NAALADL2: variants seen among roughly 807,000 people sequenced by gnomAD.
NAALADL2 encodes inactive N-acetylated-alpha-linked acidic dipeptidase-like protein 2.
A neutral mutation model predicts 87.2 loss-of-function variants in NAALADL2; 76 were observed. The observed-to-expected ratio is 0.87, with a 90% CI of 0.72 to 1.05. The LOEUF (loss-of-function observed/expected upper bound fraction) is 1.05, where lower values mean the gene tolerates loss of function less well. NAALADL2 is among the 50% of genes least tolerant of loss of function. The pLI is 0.00. For synonymous variants in NAALADL2, 354 were observed against 331.0 expected, an observed-to-expected ratio of 1.07 and a Z score of -0.75; for missense variants, 1,089 against 945.8, an observed-to-expected ratio of 1.15 and a Z score of -1.99.
chr3:175,186,344 A>G (rs1287043722), intron 2 of NAALADL2, among the ~76,000 whole-genome samples: 3 of 152,126 alleles, frequency 2.0e-5, no homozygotes, highest in African/African-American at 7.2e-5. Flanking sequence ...ACCAGTCAAG[A>G]ACTGACTGCA....
chr3:174,881,911 A>C (rs1185637805), intron 1 of NAALADL2, among the ~76,000 whole-genome samples: 1 of 152,080 alleles, frequency 6.6e-6, no homozygotes, highest in African/African-American at 2.4e-5. Flanking sequence ...GTTTTATTTC[A>C]GATGTTTCAG....
intron 13 of NAALADL2, chr3:175,767,632 A>G (rs952929849): frequency 1.3e-5 from 2 of 152,202 alleles, no homozygotes; most frequent in Non-Finnish European, 1.5e-5. Context: ...CAAGGATGAC[A>G]TGACAATTCA....
intron 1 of NAALADL2, among the ~76,000 whole-genome samples, chr3:174,495,428 A>G (rs983716871): frequency 6.6e-6 from 1 of 152,228 alleles, no homozygotes; most frequent in Non-Finnish European, 1.5e-5. Context: ...CTCTGTAAGT[A>G]ACTACATAGC....
intron 1 of NAALADL2, among the ~76,000 whole-genome samples, chr3:175,019,646 A>C (rs1751315150): frequency 6.6e-6 from 1 of 151,888 alleles, no homozygotes; most frequent in South Asian, 2.1e-4. Context: ...TTCGTTGACC[A>C]TTTTCAGCTT....
chr3:175,699,117 G>A (rs1738613883), intron 11 of NAALADL2, among the ~76,000 whole-genome samples: 1 of 151,758 alleles, frequency 6.6e-6, no homozygotes, highest in East Asian at 1.9e-4. Context: ...ATTAAAAGTA[G>A]GTTATATAAA....
At chr3:175,267,214 T>C (rs1752078272) in intron 4 of NAALADL2, among the ~76,000 whole-genome samples, 1 of 152,048 alleles carries the variant, frequency 6.6e-6, no homozygotes, top group Non-Finnish European at 1.5e-5. Context: ...AGTATTTTCC[T>C]TGTGGTTTTA....
intron 1 of NAALADL2, among the ~76,000 whole-genome samples, chr3:174,930,609 A>G (rs1404273821): frequency 9.1e-6 from 1 of 109,340 alleles, no homozygotes; most frequent in Non-Finnish European, 1.8e-5. Flanking sequence ...TTTAAATAAG[A>G]TGAACTTTTT....
At chr3:174,834,874 G>T (rs1723151350) in intron 3 of NAALADL2, among the ~76,000 whole-genome samples, 1 of 151,654 alleles carries the variant, frequency 6.6e-6, no homozygotes, top group African/African-American at 2.4e-5. Context: ...TTGACCTTTA[G>T]ATTTCATTTA....
chr3:175,571,210 A>C (rs1718033987), intron 9 of NAALADL2, among the ~76,000 whole-genome samples: 2 of 152,168 alleles, frequency 1.3e-5, no homozygotes, highest in African/African-American at 4.8e-5. Flanking sequence ...TGTACTTGCA[A>C]AGAGCATACA....
rs199940336 is a variant in NAALADL2 at position 174,859,460 on chromosome 3, A to G, written c.43+10A>G. ...AACACGTCTTTGCAAGGTAAGTACCAACAGCCTATGAACTTTTCACTTTTC... is the reference window on the plus strand; with the variant it reads ...AACACGTCTTTGCAAGGTAAGTACCGACAGCCTATGAACTTTTCACTTTTC... On this transcript the variant is annotated intron_variant, in intron 1 of 13. Transcript: ENST00000454872. 263 of 1,606,290 alleles carry G rather than the reference A, an allele frequency of 1.6e-4. No homozygotes were observed. The East Asian group carries it at 4.2e-3, about 26-fold the overall frequency.
chr3:175,498,488 A>T (rs796795695), intron 9 of NAALADL2, among the ~76,000 whole-genome samples: 57 of 152,168 alleles, frequency 3.7e-4, no homozygotes, highest in African/African-American at 1.3e-3. Flanking sequence ...GACCTAGGTT[A>T]CCACTCTACT....
At chr3:175,375,623 C>G (rs1012501777) in intron 5 of NAALADL2, among the ~76,000 whole-genome samples, 6 of 152,080 alleles carry the variant, frequency 3.9e-5, no homozygotes, top group African/African-American at 1.2e-4. Flanking sequence ...TACAGTCACT[C>G]TAGCCTTTTC....
At chr3:174,850,509 G>T (rs1452236554) in intron 3 of NAALADL2, among the ~76,000 whole-genome samples, 1 of 152,096 alleles carries the variant, frequency 6.6e-6, no homozygotes, top group Non-Finnish European at 1.5e-5. Context: ...GACAAAAACT[G>T]TAAAAAGAGA....
At chr3:175,504,578 TCTC>T (rs1730019040) in intron 9 of NAALADL2, among the ~76,000 whole-genome samples, 1 of 13,228 alleles carries the variant, frequency 7.6e-5, no homozygotes, top group Non-Finnish European at 1.3e-4. Context: ...TCTCTCTCTC[TCTC>T]TCTCTCTCTC....
At chr3:175,234,830 A>G (rs1302509405) in intron 3 of NAALADL2, 1 of 152,052 alleles carries the variant, frequency 6.6e-6, no homozygotes, top group African/African-American at 2.4e-5. Context: ...AACCGTTGGG[A>G]GGAAACGGGC....
chr3:175,767,095 G>A (rs1470434541), intron 13 of NAALADL2, among the ~76,000 whole-genome samples: 1 of 152,090 alleles, frequency 6.6e-6, no homozygotes, highest in African/African-American at 2.4e-5. Flanking sequence ...TATGAATGTT[G>A]CCTCTTTTTC....
intron 2 of NAALADL2, among the ~76,000 whole-genome samples, chr3:174,627,841 C>G (rs1721726900): frequency 6.6e-6 from 1 of 152,016 alleles, no homozygotes; most frequent in South Asian, 2.1e-4. Context: ...GACTCAGAAA[C>G]AGAAAAAAGG....
chr3:175,295,048 C>T (rs1312904673), intron 4 of NAALADL2, among the ~76,000 whole-genome samples: 2 of 152,110 alleles, frequency 1.3e-5, no homozygotes, highest in African/African-American at 4.8e-5. Context: ...CATAGGGTTA[C>T]TGTGAGAATT....
chr3:175,664,903 G>T (rs79505194), intron 11 of NAALADL2, among the ~76,000 whole-genome samples: 3,192 of 152,050 alleles, frequency 0.021, 123 homozygotes, highest in African/African-American at 0.074. Context: ...TACAGTGAAG[G>T]TCCTTTTACT....
Sources: gnomAD v4.1 joint callset for allele counts (sites outside exome capture counted in the v4.1 genomes callset) on GRCh38, gnomAD v4.1.1 for gene constraint, MANE v1.5 for transcripts, NCBI Gene and HGNC (gene_info 2026-07-23, HGNC 2026-07-21) for gene names.